The following PDZD2 variants were observed in gnomAD, a reference collection of about 807,000 sequenced individuals.
The protein encoded by PDZD2 is PDZ domain-containing protein 2.
PDZD2 carries 90 observed loss-of-function variants against 220.7 expected under a neutral mutation model. The ratio of observed to expected loss-of-function variants is 0.41; its 90% CI spans 0.34 to 0.49. The LOEUF (loss-of-function observed/expected upper bound fraction) is 0.49, where lower values mean the gene tolerates loss of function less well. Ranked by LOEUF, PDZD2 falls within the 20% of genes least tolerant of loss-of-function variation. The probability of loss-of-function intolerance (pLI) is 0.28; values close to 1 mark genes in which losing one functional copy is unlikely to be tolerated. For missense variants in PDZD2, 3,174 were observed against 3,608.5 expected, an observed-to-expected ratio of 0.88 and a Z score of 3.08; for synonymous variants, 1,375 against 1,450.5, an observed-to-expected ratio of 0.95 and a Z score of 1.18.
At chr5:31,859,757 T>C (rs1188038085) in intron 2 of PDZD2, among the ~76,000 whole-genome samples, 1 of 152,182 alleles carries the variant, frequency 6.6e-6, no homozygotes, top group Non-Finnish European at 1.5e-5. Flanking sequence ...TCTACATAGA[T>C]GAAATATACC....
chr5:31,949,347 C>T lies in PDZD2; in HGVS notation c.477-33808C>T, dbSNP rs538311951. Among the ~76,000 whole-genome samples, 9 of 152,220 alleles carry T rather than the reference C, an allele frequency of 5.9e-5. No homozygotes were observed. The South Asian group carries it at 6.2e-4, about 11-fold the overall frequency. On this transcript the variant is annotated intron_variant, in intron 2 of 24. Coordinates refer to ENST00000438447, the MANE Select transcript of PDZD2 (RefSeq NM_178140.4). ...CAAACCCCAGTTCCCCAAATTCATGCACTTCTAACAACTGGAGTTTGAGAT... is the reference window on the plus strand; with the variant it reads ...CAAACCCCAGTTCCCCAAATTCATGTACTTCTAACAACTGGAGTTTGAGAT...
At chr5:31,888,144 TTTTC>T (rs2150344641) in intron 2 of PDZD2, among the ~76,000 whole-genome samples, 1 of 152,128 alleles carries the variant, frequency 6.6e-6, no homozygotes, top group East Asian at 1.9e-4. Flanking sequence ...TTCCTTTTCT[TTTTC>T]TTTTTTATTT....
At position 32,088,437 on chromosome 5, in the gene PDZD2, C is replaced by G; in HGVS notation, c.4989C>G (p.Ser1663=). 7 of 1,614,044 alleles carry G rather than the reference C, an allele frequency of 4.3e-6. No homozygotes were observed. Among genetic ancestry groups the G allele is most frequent in the Non-Finnish European group, 4.2e-6 (5 of 1,179,988 alleles). Residue 1663 remains serine (S), a synonymous_variant, in exon 20 of 25, where the codon TCC becomes TCG. Coordinates refer to ENST00000438447, the MANE Select transcript of PDZD2 (RefSeq NM_178140.4). The surrounding 1 kb of genome is among the most constrained non-coding windows in gnomAD (Gnocchi z 4.6). ...PGSYTSGPDS[S]QPSSLLEMSS... is the part of the protein sequence containing the mutation. ...CATACACTTCAGGCCCAGACTCTTC[C>G]CAGCCATCATCACTCTTGGAGATGA...
At chr5:31,926,041 C>A (rs2150385292) in intron 2 of PDZD2, among the ~76,000 whole-genome samples, 1 of 152,028 alleles carries the variant, frequency 6.6e-6, no homozygotes, top group South Asian at 2.1e-4. Flanking sequence ...AAACGCATAG[C>A]AAGACCCTGT....
chr5:32,035,776 C>T (rs1755491689), intron 6 of PDZD2, among the ~76,000 whole-genome samples: 1 of 152,132 alleles, frequency 6.6e-6, no homozygotes, highest in African/African-American at 2.4e-5. Context: ...ATACAAAAAG[C>T]ACTTTAAGTA....
intron 10 of PDZD2, among the ~76,000 whole-genome samples, chr5:32,056,546 G>A (rs1252130370): frequency 6.6e-6 from 1 of 152,166 alleles, no homozygotes; most frequent in Non-Finnish European, 1.5e-5. Flanking sequence ...AACCAGAAAC[G>A]AGCTCTGATA....
At chr5:31,975,106 A>G (rs902643482) in intron 2 of PDZD2, among the ~76,000 whole-genome samples, 2 of 152,226 alleles carry the variant, frequency 1.3e-5, no homozygotes, top group Non-Finnish European at 2.9e-5. Context: ...ACATTTTGTA[A>G]TGAAGAAGAC....
At chr5:31,933,754 G>A (rs564435345) in intron 2 of PDZD2, among the ~76,000 whole-genome samples, 3 of 152,264 alleles carry the variant, frequency 2.0e-5, no homozygotes, top group South Asian at 2.1e-4. Context: ...CCACACGAAC[G>A]CAATGAGAAA....
chr5:31,738,738 A>C (rs1159383154), intron 1 of PDZD2: 1 of 152,210 alleles, frequency 6.6e-6, no homozygotes, highest in African/African-American at 2.4e-5. Context: ...AAATGAAATA[A>C]AAGCTTCATT....
At chr5:31,658,117 C>A (rs1028115883) in intron 1 of PDZD2, among the ~76,000 whole-genome samples, 3 of 152,148 alleles carry the variant, frequency 2.0e-5, no homozygotes, top group African/African-American at 7.2e-5. Context: ...TTGGTGCAAT[C>A]GCAGAATAAT....
chr5:31,812,614 A>G (rs1257025235), intron 2 of PDZD2, among the ~76,000 whole-genome samples: 4 of 152,038 alleles, frequency 2.6e-5, no homozygotes, highest in Admixed American at 2.6e-4. Flanking sequence ...TGTTTAATCC[A>G]CTTTGGGCTT....
At chr5:31,852,061 T>C (rs1490673183) in intron 2 of PDZD2, among the ~76,000 whole-genome samples, 2 of 152,102 alleles carry the variant, frequency 1.3e-5, no homozygotes, top group Non-Finnish European at 1.5e-5. Context: ...TTCACCATGT[T>C]GGGCAGGCTG....
chr5:31,657,843 G>A (rs761005153), intron 1 of PDZD2, among the ~76,000 whole-genome samples: 18 of 152,128 alleles, frequency 1.2e-4, no homozygotes, highest in Non-Finnish European at 1.9e-4. Context: ...GGCAACACCC[G>A]CAAAGGAGGC....
At chr5:31,972,052 C>G (rs904191808) in intron 2 of PDZD2, among the ~76,000 whole-genome samples, 1 of 152,180 alleles carries the variant, frequency 6.6e-6, no homozygotes, top group African/African-American at 2.4e-5. Flanking sequence ...AGTGGGGCTA[C>G]TCTAACTGCA....
At chr5:31,688,477 T>C (rs893259449) in intron 1 of PDZD2, among the ~76,000 whole-genome samples, 9 of 152,186 alleles carry the variant, frequency 5.9e-5, no homozygotes, top group Non-Finnish European at 1.0e-4. Flanking sequence ...GGCTTCTTAT[T>C]GCTCCTTATC....
At chr5:31,801,910 A>G (rs1754415249) in intron 2 of PDZD2, among the ~76,000 whole-genome samples, 1 of 152,038 alleles carries the variant, frequency 6.6e-6, no homozygotes, top group African/African-American at 2.4e-5. Context: ...GAACCTATCT[A>G]CCCCTGGGAT....
At chr5:32,086,552 C>A (rs190458727) in intron 19 of PDZD2, among the ~76,000 whole-genome samples, 3 of 152,288 alleles carry the variant, frequency 2.0e-5, no homozygotes, top group African/African-American at 4.8e-5. Context: ...AATCTGAGTT[C>A]TCTTAGAGCG....
chr5:31,674,977 G>T (rs546995698), intron 1 of PDZD2, among the ~76,000 whole-genome samples: 1 of 152,200 alleles, frequency 6.6e-6, no homozygotes, highest in East Asian at 1.9e-4. Flanking sequence ...CCAGATCCCT[G>T]TTCTGTGCTA....
At chr5:31,679,936 A>G (rs562237744) in intron 1 of PDZD2, among the ~76,000 whole-genome samples, 2 of 152,368 alleles carry the variant, frequency 1.3e-5, no homozygotes, top group East Asian at 1.9e-4. Context: ...CTAAACTTAC[A>G]TAAAAGCACA....
Sources: gnomAD v4.1 joint callset for allele counts (sites outside exome capture counted in the v4.1 genomes callset) on GRCh38, gnomAD v4.1.1 for gene constraint, Gnocchi (gnomAD v3.1) non-coding constraint, MANE v1.5 for transcripts, NCBI Gene and HGNC (gene_info 2026-07-23, HGNC 2026-07-21) for gene names.